The following PXT1 variants were observed in gnomAD, a reference collection of about 807,000 sequenced individuals.
PXT1 encodes the protein peroxisomal testis enriched protein 1.
In PXT1, 11 loss-of-function variants were observed where a neutral mutation model predicts 11.0. That is an observed-to-expected ratio of 1.00 (90% CI 0.63 to 1.66). The LOEUF (loss-of-function observed/expected upper bound fraction) is 1.66, where lower values mean the gene tolerates loss of function less well. Ranked by LOEUF, PXT1 falls within the 40% of genes most tolerant of loss-of-function variation. PXT1 has a pLI of 0.00. For synonymous variants in PXT1, 43 were observed against 51.4 expected (o/e 0.84, Z 0.70); for missense variants, 141 against 155.5 (o/e 0.91, Z 0.49).
At chr6:36,411,988 A>G (rs918244538) in intron 3 of PXT1, among the ~76,000 whole-genome samples, 69 of 152,124 alleles carry the variant, frequency 4.5e-4, no homozygotes, top group African/African-American at 1.6e-3. Flanking sequence ...ATCCTGAAGA[A>G]AACACATAAT....
chr6:36,421,305 C>A (rs974527792), intron 3 of PXT1, among the ~76,000 whole-genome samples: 1 of 151,852 alleles, frequency 6.6e-6, no homozygotes, highest in Admixed American at 6.6e-5. Flanking sequence ...CTACAAAAAA[C>A]AAAAAATTAG....
intron 3 of PXT1, among the ~76,000 whole-genome samples, chr6:36,403,352 T>C (rs1561926036): frequency 2.0e-5 from 3 of 152,158 alleles, no homozygotes; most frequent in South Asian, 2.1e-4. Flanking sequence ...GCAGTACTAA[T>C]AGGGATGTAA....
intron 2 of PXT1, among the ~76,000 whole-genome samples, chr6:36,437,086 G>A (rs867463550): frequency 1.3e-5 from 2 of 152,118 alleles, no homozygotes; most frequent in Non-Finnish European, 2.9e-5. Context: ...AGGAGTTCAA[G>A]ACCAGCCTGG....
At chr6:36,429,523 GA>G (rs1163350126) in intron 2 of PXT1, among the ~76,000 whole-genome samples, 1 of 26,032 alleles carries the variant, frequency 3.8e-5, no homozygotes, top group Non-Finnish European at 6.8e-5. Flanking sequence ...TTTTTTTTTT[GA>G]GATGGAGTTT....
At chr6:36,394,602 G>A (rs192231346) in intron 4 of PXT1, among the ~76,000 whole-genome samples, 1 of 152,158 alleles carries the variant, frequency 6.6e-6, no homozygotes, top group Admixed American at 6.5e-5. Flanking sequence ...CAGGGAGGGA[G>A]GAGTTTCCAG....
At chr6:36,418,275 C>A (rs1274567914) in intron 3 of PXT1, among the ~76,000 whole-genome samples, 3 of 151,950 alleles carry the variant, frequency 2.0e-5, no homozygotes, top group Non-Finnish European at 2.9e-5. Context: ...TTTTTAAGCT[C>A]CCCAGATAAT....
rs968797537 is a variant in PXT1 at position 36,439,108 on chromosome 6, C to T, written c.-129-222G>A. On this transcript the variant is annotated intron_variant, in intron 1 of 4. Coordinates refer to ENST00000454782, the MANE Select transcript of PXT1 (RefSeq NM_152990.4). Reference sequence around the variant, plus strand: ...CCGCCTCCTGGGTTCAAGCAATTCTCCTGCCTCAGCCTCTCAAGTAGCTGG... The same window carrying T: ...CCGCCTCCTGGGTTCAAGCAATTCTTCTGCCTCAGCCTCTCAAGTAGCTGG... Among the ~76,000 whole-genome samples, 9 of 151,822 alleles carry T rather than the reference C, an allele frequency of 5.9e-5. No homozygotes were observed. In the East Asian group the frequency reaches 1.8e-3, roughly 30 times the overall value.
chr6:36,407,677 A>G (rs1774310716), intron 3 of PXT1, among the ~76,000 whole-genome samples: 1 of 151,776 alleles, frequency 6.6e-6, no homozygotes, highest in African/African-American at 2.4e-5. Context: ...AGTGTGTGAT[A>G]ATAATGATGA....
At chr6:36,405,135 T>G (rs769766939) in intron 3 of PXT1, among the ~76,000 whole-genome samples, 1 of 152,116 alleles carries the variant, frequency 6.6e-6, no homozygotes, top group Non-Finnish European at 1.5e-5. Flanking sequence ...CCTGACCCTG[T>G]GTAGGCCTAG....
chr6:36,414,397 G>A (rs886272694), intron 3 of PXT1, among the ~76,000 whole-genome samples: 6 of 152,172 alleles, frequency 3.9e-5, no homozygotes, highest in Admixed American at 6.5e-5. Context: ...GAAAGGAAAT[G>A]AGAAAGTCCA....
At position 36,409,102 on chromosome 6, in the gene PXT1, T is replaced by C. The variant is rs528666872; in HGVS notation, c.170-8518A>G. Reference sequence around the variant, plus strand: ...TTTTCTCACGTAGTGGTCATCCATTTATACTCCTGATTTTGTTCACTAAAA... The same window carrying C: ...TTTTCTCACGTAGTGGTCATCCATTCATACTCCTGATTTTGTTCACTAAAA... On this transcript the variant is annotated intron_variant, in intron 3 of 4. Transcript: ENST00000454782. Among the ~76,000 whole-genome samples, 5 of 152,332 alleles carry C rather than the reference T, an allele frequency of 3.3e-5. No individual in the cohort carries two copies. The East Asian group carries it at 9.6e-4, about 29-fold the overall frequency.
chr6:36,408,074 G>A (rs1774315754), intron 3 of PXT1, among the ~76,000 whole-genome samples: 1 of 150,280 alleles, frequency 6.7e-6, no homozygotes, highest in Admixed American at 6.7e-5. Flanking sequence ...TGATTCTCCT[G>A]CCTCAGCCTC....
intron 3 of PXT1, among the ~76,000 whole-genome samples, chr6:36,401,418 G>C (rs887326574): frequency 7.2e-5 from 11 of 152,146 alleles, no homozygotes; most frequent in African/African-American, 2.6e-4. Flanking sequence ...AGGATCACTT[G>C]AGCCAGGGCA....
intron 3 of PXT1, among the ~76,000 whole-genome samples, chr6:36,420,999 G>A (rs569004259): frequency 5.3e-5 from 8 of 150,958 alleles, no homozygotes; most frequent in African/African-American, 1.9e-4. Context: ...AGGTTGCAGC[G>A]AGCCAAGATT....
intron 3 of PXT1, among the ~76,000 whole-genome samples, chr6:36,401,972 ATG>A (rs1774221331): frequency 6.7e-6 from 1 of 148,528 alleles, no homozygotes; most frequent in South Asian, 2.1e-4. Flanking sequence ...ATATATATAT[ATG>A]TATATATATA....
chr6:36,406,365 G>C lies in PXT1; in HGVS notation c.170-5781C>G, dbSNP rs1358378767. Among the ~76,000 whole-genome samples, 4 of 152,138 alleles carry C rather than the reference G, an allele frequency of 2.6e-5. No homozygotes were observed. The East Asian group carries it at 7.7e-4, about 29-fold the overall frequency. ...ATAGACTCAGGAGACTAAGGGCATGGGTGGCATTGGGATCACAAATGCCAC... is the reference window on the plus strand; with the variant it reads ...ATAGACTCAGGAGACTAAGGGCATGCGTGGCATTGGGATCACAAATGCCAC... On this transcript the variant is annotated intron_variant, in intron 3 of 4. Coordinates refer to ENST00000454782, the MANE Select transcript of PXT1 (RefSeq NM_152990.4).
chr6:36,399,335 C>T (rs756038943), intron 4 of PXT1, among the ~76,000 whole-genome samples: 6 of 152,046 alleles, frequency 3.9e-5, no homozygotes, highest in Admixed American at 1.3e-4. Flanking sequence ...TCAGTAGAGA[C>T]GGGGTTTCAC....
At chr6:36,428,173 G>A (rs781777010) in intron 2 of PXT1, among the ~76,000 whole-genome samples, 7 of 152,142 alleles carry the variant, frequency 4.6e-5, no homozygotes, top group Non-Finnish European at 7.4e-5. Flanking sequence ...CTGGCCGGGC[G>A]CGGTGGCTGA....
Position 36,391,567 on chromosome 6 carries a change from A to C in PXT1, c.*203T>G. On this transcript the variant is annotated 3_prime_UTR_variant, in exon 5 of 5. Coordinates refer to ENST00000454782, the MANE Select transcript of PXT1 (RefSeq NM_152990.4). ...TTGGGCTTTACCGTGATGTGATCGC[A>C]GACATCTCATAGCTAGCTCCTCCGA... 1 of 586,938 alleles carries C rather than the reference A, an allele frequency of 1.7e-6. No homozygotes were observed. Among genetic ancestry groups the C allele is most frequent in the South Asian group, 2.0e-5 (1 of 49,602 alleles). 36.4% of individuals were successfully genotyped at this position (586,938 alleles called of 1,614,324 possible).
Sources: gnomAD v4.1 joint callset for allele counts (sites outside exome capture counted in the v4.1 genomes callset) on GRCh38, gnomAD v4.1.1 for gene constraint, MANE v1.5 for transcripts, NCBI Gene and HGNC (gene_info 2026-07-23, HGNC 2026-07-21) for gene names.